CATSPER3: variants seen among roughly 807,000 people sequenced by gnomAD.
CATSPER3 encodes cation channel sperm associated 3, also known as cation channel sperm-associated protein 3.
Under a neutral mutation model 36.6 loss-of-function variants are expected in CATSPER3, and 23 were observed. That is an observed-to-expected ratio of 0.63 (90% CI 0.45 to 0.89). The LOEUF (loss-of-function observed/expected upper bound fraction) is 0.89. Ranked by LOEUF, CATSPER3 falls within the 40% of genes least tolerant of loss-of-function variation. CATSPER3 has a pLI of 0.00. For synonymous variants in CATSPER3, 172 were observed against 184.1 expected, an observed-to-expected ratio of 0.93 and a Z score of 0.53; for missense variants, 474 against 503.9, an observed-to-expected ratio of 0.94 and a Z score of 0.57.
chr5:134,993,064 AT>A lies in CATSPER3; in HGVS notation c.253-3207del, dbSNP rs1580909524. 3.3e-5 allele frequency among the ~76,000 whole-genome samples: 5 copies of A among 152,386 alleles called. No individual in the cohort carries two copies. In the East Asian group the frequency reaches 9.6e-4, roughly 29 times the overall value. ...TGGTAGATGCATACAATGCTATATT[AT>A]TCATCTTTAAAAAGGAATAGAATTC... On this transcript the variant is annotated intron_variant, in intron 2 of 7. Transcript: ENST00000282611.
chr5:135,004,025 T>G (rs299371), intron 3 of CATSPER3, among the ~76,000 whole-genome samples: 2 of 152,058 alleles, frequency 1.3e-5, no homozygotes, highest in Non-Finnish European at 2.9e-5. Context: ...ATGCAGAAAT[T>G]ACCCATCTTC....
chr5:134,983,689 G>A (rs1751775600), intron 2 of CATSPER3, among the ~76,000 whole-genome samples: 1 of 152,114 alleles, frequency 6.6e-6, no homozygotes, highest in African/African-American at 2.4e-5. Context: ...TAAGAGAAAA[G>A]GAAGGACATT....
intron 2 of CATSPER3, chr5:134,975,143 T>C (rs1414029602): frequency 1.3e-5 from 2 of 152,104 alleles, no homozygotes; most frequent in Non-Finnish European, 2.9e-5. Flanking sequence ...TACAGGGTGG[T>C]GGTACAGCCA....
chr5:134,995,892 G>A (rs1751938875), intron 2 of CATSPER3: 2 of 320,844 alleles, frequency 6.2e-6, no homozygotes, highest in Non-Finnish European at 1.2e-5. Flanking sequence ...GTAGATATCT[G>A]AGTATTTCAT....
chr5:134,981,848 G>C (rs969210936), intron 2 of CATSPER3, among the ~76,000 whole-genome samples: 4 of 152,198 alleles, frequency 2.6e-5, no homozygotes, highest in African/African-American at 9.6e-5. Flanking sequence ...TGCTCAAAGA[G>C]GCCAGGTGCG....
chr5:134,968,858 C>G (rs1261981932), intron 1 of CATSPER3: 1 of 152,028 alleles, frequency 6.6e-6, no homozygotes, highest in Admixed American at 6.6e-5. Context: ...AAAGAATCAC[C>G]TATAACCTCA....
At chr5:134,997,867 A>G (rs1445661924) in intron 3 of CATSPER3, among the ~76,000 whole-genome samples, 1 of 151,792 alleles carries the variant, frequency 6.6e-6, no homozygotes, top group African/African-American at 2.4e-5. Context: ...ACTCACCCCC[A>G]TCCCCAACCT....
At chr5:134,995,747 T>C (rs1270246211) in intron 2 of CATSPER3, 2 of 194,622 alleles carry the variant, frequency 1.0e-5, no homozygotes, top group Non-Finnish European at 2.2e-5. Context: ...CAAAGAGTAC[T>C]TCTTGGTAAA....
chr5:134,988,008 G>A (rs1751831996), intron 2 of CATSPER3, among the ~76,000 whole-genome samples: 1 of 152,122 alleles, frequency 6.6e-6, no homozygotes, highest in South Asian at 2.1e-4. Context: ...GTAAAGCTAT[G>A]GATATGCCTC....
At chr5:135,005,704 T>C (rs1212250097) in intron 3 of CATSPER3, among the ~76,000 whole-genome samples, 1 of 152,252 alleles carries the variant, frequency 6.6e-6, no homozygotes, top group Non-Finnish European at 1.5e-5. Flanking sequence ...ACACTCTGCC[T>C]TCTACCTATG....
At chr5:134,968,907 T>G (rs1751567469) in intron 1 of CATSPER3, 1 of 152,188 alleles carries the variant, frequency 6.6e-6, no homozygotes, top group South Asian at 2.1e-4. Flanking sequence ...TTGGCATATT[T>G]CCTGCTGATT....
At chr5:134,969,603 C>A in intron 1 of CATSPER3, 1 of 349,392 alleles carries the variant, frequency 2.9e-6, no homozygotes, top group Non-Finnish European at 5.4e-6. Context: ...GTTCCCAGTG[C>A]CTACTAGATT....
intron 5 of CATSPER3, 60 bp from the exon 6 acceptor site, chr5:135,009,311 A>G: frequency 1.3e-6 from 2 of 1,577,440 alleles, no homozygotes; most frequent in Non-Finnish European, 1.7e-6. Flanking sequence ...GGAAGAGGAA[A>G]GACTGGGTCT....
intron 2 of CATSPER3, among the ~76,000 whole-genome samples, chr5:134,980,129 A>G (rs1751732496): frequency 6.6e-6 from 1 of 151,704 alleles, no homozygotes; most frequent in East Asian, 1.9e-4. Context: ...CTACAGACAT[A>G]TATCACCATG....
intron 1 of CATSPER3, chr5:134,968,374 A>AT (rs1398852646): frequency 2.5e-6 from 1 of 400,266 alleles, no homozygotes; most frequent in African/African-American, 2.1e-5. Flanking sequence ...GATAATGAAA[A>AT]TTACATATCT....
At chr5:134,975,604 CGTT>C (rs377591653) in intron 2 of CATSPER3, among the ~76,000 whole-genome samples, 14 of 152,092 alleles carry the variant, frequency 9.2e-5, no homozygotes, top group African/African-American at 3.4e-4. Context: ...CAGAGTGAGA[CGTT>C]GTCTCTTATT....
intron 2 of CATSPER3, among the ~76,000 whole-genome samples, chr5:134,982,133 T>G (rs1315904961): frequency 6.6e-6 from 1 of 152,114 alleles, no homozygotes; most frequent in Non-Finnish European, 1.5e-5. Flanking sequence ...TGAAGACAGG[T>G]CAGTTGAACT....
At chr5:134,986,875 T>G (rs562960178) in intron 2 of CATSPER3, among the ~76,000 whole-genome samples, 2 of 152,240 alleles carry the variant, frequency 1.3e-5, no homozygotes, top group South Asian at 4.1e-4. Flanking sequence ...AAAGCAGTGC[T>G]CAGAGGGAAA....
At chr5:134,984,542 G>A (rs1180431735) in intron 2 of CATSPER3, among the ~76,000 whole-genome samples, 1 of 152,128 alleles carries the variant, frequency 6.6e-6, no homozygotes. Context: ...TAATCAGCAT[G>A]GAAATGTAAA....
Sources: allele counts gnomAD v4.1 joint callset (sites outside exome capture counted in the v4.1 genomes callset), GRCh38; gene constraint gnomAD v4.1.1; transcripts MANE v1.5; gene names NCBI Gene and HGNC (gene_info 2026-07-23, HGNC 2026-07-21).